Variants in PDE4DIP observed in about 807,000 individuals in gnomAD.
PDE4DIP encodes myomegalin.
PDE4DIP carries 59 observed loss-of-function variants against 221.4 expected under a neutral mutation model. That is an observed-to-expected ratio of 0.27 (90% CI 0.22 to 0.33). The LOEUF is 0.33. PDE4DIP is among the 10% of genes least tolerant of loss of function. The pLI, the probability that PDE4DIP is intolerant of heterozygous loss-of-function variation, is 1.00. For missense variants in PDE4DIP, 1,036 were observed against 2,154.2 expected, an observed-to-expected ratio of 0.48 and a Z score of 10.28; for synonymous variants, 404 against 815.9, an observed-to-expected ratio of 0.50 and a Z score of 8.60.
chr1:148,905,943 AT>A (rs1553449989), intron 1 of PDE4DIP, among the ~76,000 whole-genome samples: 2 of 92,190 alleles, frequency 2.2e-5, no homozygotes, highest in East Asian at 6.1e-4. Flanking sequence ...TTTTCATTTC[AT>A]TTATCTTTTG....
intron 1 of PDE4DIP, among the ~76,000 whole-genome samples, chr1:148,856,993 C>T (rs1210508007): frequency 1.1e-5 from 1 of 91,438 alleles, no homozygotes; most frequent in African/African-American, 4.8e-5. Flanking sequence ...GGAATTGGAA[C>T]ACAATCTGCA....
At chr1:149,031,849 T>C in intron 43 of PDE4DIP, 95 bp from the exon 47 acceptor site, 2 of 1,208,792 alleles carry the variant, frequency 1.7e-6, no homozygotes, top group Non-Finnish European at 2.4e-6. Flanking sequence ...TGCTCCTGGC[T>C]TTGGTCACCA....
intron 4 of PDE4DIP, among the ~76,000 whole-genome samples, chr1:148,935,166 A>G (rs1553474053): frequency 6.6e-6 from 1 of 151,870 alleles, no homozygotes; most frequent in Non-Finnish European, 1.5e-5. Flanking sequence ...GTGAGCCAAG[A>G]TTGCGCCACT....
intron 21 of PDE4DIP, chr1:148,985,933 A>G (rs1282091890): frequency 1.3e-5 from 2 of 152,220 alleles, no homozygotes; most frequent in Non-Finnish European, 2.9e-5. Flanking sequence ...TCTTTTTACA[A>G]TAATCAAAGT....
intron 9 of PDE4DIP, among the ~76,000 whole-genome samples, chr1:148,963,748 C>CTTTTTTTTTTTTTTTTTTTT (rs66921099): frequency 2.2e-5 from 2 of 89,098 alleles, no homozygotes; most frequent in East Asian, 4.2e-4. Context: ...TTCTTTCCTT[C>CTTTTTTTTTTTTTTTTTTTT]TTTTTTTTTT....
intron 5 of PDE4DIP, among the ~76,000 whole-genome samples, chr1:148,946,424 C>T (rs587602028): frequency 2.2e-5 from 3 of 134,834 alleles, no homozygotes; most frequent in African/African-American, 8.5e-5. Flanking sequence ...CCTATAATCC[C>T]AGCTACTCAG....
In PDE4DIP at chr1:149,010,432, G is replaced by A. The variant is rs781850146; in HGVS notation, c.4928-11G>A. 3.7e-6 allele frequency: 6 copies of A among 1,613,134 alleles called. No homozygotes were observed. In the South Asian group the frequency reaches 5.5e-5, roughly 15 times the overall value. ...ACATCATACGTTTTCTTTCATTCAT[G>A]GATTTTATAGATTCCATCCATCATT... On this transcript the variant is annotated splice_polypyrimidine_tract_variant and intron_variant, in intron 30 of 43. Transcript: ENST00000369354.
At chr1:148,966,813 C>T in intron 11 of PDE4DIP, 26 bp from the exon 15 acceptor site, 1 of 863,828 alleles carries the variant, frequency 1.2e-6, no homozygotes, top group South Asian at 1.3e-5. Flanking sequence ...TCTTACAGAG[C>T]TTTAGGAGTC....
At chr1:148,945,688 CCT>C (rs1416561851) in intron 5 of PDE4DIP, among the ~76,000 whole-genome samples, 147 of 149,646 alleles carry the variant, frequency 9.8e-4, no homozygotes, top group African/African-American at 3.5e-3. Flanking sequence ...ATTTAAAGCC[CCT>C]GTCTGAATCA....
At position 149,016,340 on chromosome 1, in the gene PDE4DIP, A is replaced by C. The variant is rs150740777; in HGVS notation, c.5308A>C (p.Ser1770Arg). The stretch of plus-strand genomic sequence containing the variant: ...TCCTGCTTCCACAGCTACATTGCTG[A>C]GCAACGACTTGGAAGCCGACTCTTC... The change falls in exon 33 of 44, where the codon AGC becomes CGC. Residue 1770 changes from serine to arginine, a missense_variant. Transcript: ENST00000369354. 5.1e-4 allele frequency: 817 copies of C among 1,609,662 alleles called. 3 individuals are homozygous for C. The highest frequency in any genetic ancestry group is 9.3e-5 in the Non-Finnish European group (110 of 1,176,740).
At position 148,998,395 on chromosome 1, in the gene PDE4DIP, G is replaced by C; in HGVS notation, c.3137+20G>C. ...CATCAGGTAGGACATTCTTCCCAGG[G>C]AAGGGGAGCTTGCAGGTCATGAGGC... On this transcript the variant is annotated intron_variant, in intron 23 of 43. Transcript: ENST00000369354. 6.7e-7 allele frequency: 1 copy of C among 1,497,240 alleles called. No homozygotes were observed. The highest frequency in any genetic ancestry group is 9.3e-7 in the Non-Finnish European group (1 of 1,077,300). The allele number at this position is 1,497,240 out of a possible 1,614,324, so 92.7% of individuals were successfully genotyped here.
intron 20 of PDE4DIP, among the ~76,000 whole-genome samples, chr1:148,980,586 A>T (rs1553541766): frequency 1.3e-5 from 2 of 151,600 alleles, no homozygotes; most frequent in African/African-American, 2.4e-5. Context: ...TATTCTCTTC[A>T]TTTTTGTTTT....
At chr1:149,032,546 C>G in exon 44 of PDE4DIP, 1 of 293,698 alleles carries the variant, frequency 3.4e-6, no homozygotes, top group Non-Finnish European at 6.5e-6. Flanking sequence ...GGGCCTTGGT[C>G]TGCACTGTAG....
In PDE4DIP at chr1:148,994,590, A is replaced by G. The variant is rs1575032495; in HGVS notation, c.2904+2617A>G. On this transcript the variant is annotated intron_variant, in intron 22 of 43. Transcript: ENST00000369354. ...ATTTATGGGGTATATGATTATATAT[A>G]TATATACACACAAACAATATGGAAT... 7.2e-5 allele frequency among the ~76,000 whole-genome samples: 11 copies of G among 152,196 alleles called. No individual in the cohort carries two copies. The South Asian group carries it at 2.3e-3, about 32-fold the overall frequency.
intron 42 of PDE4DIP, 21 bp downstream of exon 45, chr1:149,029,946 T>C (rs2653676): frequency 3.0e-5 from 36 of 1,203,238 alleles, no homozygotes; most frequent in East Asian, 4.7e-5. Flanking sequence ...TGAGAGGGAA[T>C]GGGGGAAGAA....
intron 35 of PDE4DIP, chr1:149,019,405 C>T (rs2071860952): frequency 1.3e-5 from 2 of 148,894 alleles, no homozygotes; most frequent in Non-Finnish European, 3.0e-5. Context: ...TGAAGGAATG[C>T]TTGTGGAAAA....
rs371258774 is a variant in PDE4DIP, at chr1:148,857,432, A to G, written c.234-5818A>G. Among the ~76,000 whole-genome samples, 56 of 19,886 alleles carry G rather than the reference A, an allele frequency of 2.8e-3. 10 individuals are homozygous for G. The East Asian group carries it at 0.27, about 95-fold the overall frequency. The allele number at this position is 19,886 out of a possible 152,430, so 13.0% of individuals were successfully genotyped here. A position where few individuals can be genotyped will look rare whatever the true frequency, so the allele number is the denominator to read the frequency against. On this transcript the variant is annotated intron_variant, in intron 1 of 45. Coordinates refer to the PDE4DIP transcript ENST00000524974. The stretch of plus-strand genomic sequence containing the variant: ...GCCGGACTGCGGACTGCAGTGGCGC[A>G]ATCTCGGCTCACTGCAAGCTCCGCT...
intron 17 of PDE4DIP, among the ~76,000 whole-genome samples, chr1:148,976,223 T>C (rs1574720343): frequency 6.6e-6 from 1 of 152,250 alleles, no homozygotes; most frequent in African/African-American, 2.4e-5. Flanking sequence ...TTGGGTGATA[T>C]TTAGCTATTG....
Position 149,009,710 on chromosome 1 carries a change from G to A in PDE4DIP, c.4846G>A (p.Glu1616Lys), listed in dbSNP as rs587709566. 7.2e-5 allele frequency: 117 copies of A among 1,614,012 alleles called. 1 individual carries two copies. The highest frequency in any genetic ancestry group is 1.6e-4 in the Middle Eastern group (1 of 6,062). Residue 1616 changes from glutamate to lysine, a missense_variant, in exon 30 of 44, where the codon GAA (glutamate) becomes AAA (lysine). By Grantham distance (56) the Glu-to-Lys change is moderately conservative. Coordinates refer to ENST00000369354, the Ensembl canonical transcript of PDE4DIP. ...CAGCAGCACCTCTTTCCTGTCTGAT[G>A]AACTGGAAGCCTGCTCTGACATGGA...
Sources: allele counts gnomAD v4.1 joint callset (sites outside exome capture counted in the v4.1 genomes callset), GRCh38; gene constraint gnomAD v4.1.1; transcripts MANE v1.5; gene names NCBI Gene and HGNC (gene_info 2026-07-23, HGNC 2026-07-21).